CAMTA1: variants seen among roughly 807,000 people sequenced by gnomAD.
The protein encoded by CAMTA1 is calmodulin binding transcription activator 1, also known as calmodulin-binding transcription activator 1.
Under a neutral mutation model 170.9 loss-of-function variants are expected in CAMTA1, and 27 were observed. The observed-to-expected ratio is 0.16, with a 90% CI of 0.12 to 0.22. The LOEUF is 0.22. CAMTA1 is among the 10% of genes least tolerant of loss of function. CAMTA1 has a pLI of 1.00. For missense variants in CAMTA1, 1,619 were observed against 2,217.2 expected (o/e 0.73, Z 5.42); for synonymous variants, 833 against 891.5 (o/e 0.93, Z 1.17).
In CAMTA1 at chr1:6,814,278, A is replaced by G. The variant is rs187968351; in HGVS notation, c.46-5903A>G. 3.3e-5 allele frequency among the ~76,000 whole-genome samples: 5 copies of G among 152,318 alleles called. No homozygotes were observed. The East Asian group carries it at 9.7e-4, about 29-fold the overall frequency. Reference sequence around the variant, plus strand: ...CAGTTTACAGAAGATACTGTGGCAGAGACTGCTAGTTGATCATGAAACCCA... The same window carrying G: ...CAGTTTACAGAAGATACTGTGGCAGGGACTGCTAGTTGATCATGAAACCCA... On this transcript the variant is annotated intron_variant, in intron 1 of 22. Coordinates refer to ENST00000303635, the MANE Select transcript of CAMTA1 (RefSeq NM_015215.4).
chr1:7,131,458 G>A (rs538225977), intron 4 of CAMTA1, among the ~76,000 whole-genome samples: 24 of 151,204 alleles, frequency 1.6e-4, no homozygotes, highest in Middle Eastern at 3.5e-3. Context: ...TTATAGTCAG[G>A]TCTATCATAG....
chr1:7,114,121 G>A (rs567219368), intron 4 of CAMTA1, among the ~76,000 whole-genome samples: 96 of 152,296 alleles, frequency 6.3e-4, no homozygotes, highest in African/African-American at 2.1e-3. Flanking sequence ...GTCCTCTTCT[G>A]TTGATTCTGC....
At chr1:7,628,465 C>A (rs2095647821) in intron 6 of CAMTA1, among the ~76,000 whole-genome samples, 1 of 152,258 alleles carries the variant, frequency 6.6e-6, no homozygotes, top group African/African-American at 2.4e-5. Context: ...AGAGCTAGTG[C>A]ACCAGAGTTG....
intron 11 of CAMTA1, among the ~76,000 whole-genome samples, chr1:7,683,660 C>T (rs1001152362): frequency 3.9e-5 from 6 of 152,276 alleles, no homozygotes; most frequent in East Asian, 1.9e-4. Context: ...AAGCAGCTGG[C>T]GTGAGCCGGT....
intron 3 of CAMTA1, among the ~76,000 whole-genome samples, chr1:7,084,842 GAA>G (rs1398978377): frequency 6.6e-6 from 1 of 152,158 alleles, no homozygotes; most frequent in Non-Finnish European, 1.5e-5. Flanking sequence ...ACTTAGTAGG[GAA>G]AAGAGTATGA....
chr1:6,823,854 T>C (rs80061882), intron 2 of CAMTA1, among the ~76,000 whole-genome samples: 2,127 of 152,308 alleles, frequency 0.014, 48 homozygotes, highest in African/African-American at 0.048. Context: ...TGTATACTTA[T>C]GTAAGGTTGC....
At chr1:7,225,225 C>T (rs775522968) in intron 4 of CAMTA1, among the ~76,000 whole-genome samples, 31 of 152,166 alleles carry the variant, frequency 2.0e-4, no homozygotes, top group Non-Finnish European at 3.7e-4. Flanking sequence ...GCTGGGACTA[C>T]AGGCGCCCAC....
intron 4 of CAMTA1, among the ~76,000 whole-genome samples, chr1:7,164,644 A>G (rs753527836): frequency 2.0e-5 from 3 of 152,250 alleles, no homozygotes; most frequent in Non-Finnish European, 4.4e-5. Context: ...TTATATTTGC[A>G]GCTTTGAAAG....
intron 1 of CAMTA1, among the ~76,000 whole-genome samples, chr1:6,813,989 A>G (rs1216978125): frequency 2.6e-5 from 4 of 152,208 alleles, no homozygotes. Context: ...TTATTAATTT[A>G]TGAATTCTAT....
chr1:7,024,916 C>A (rs1701828638), intron 3 of CAMTA1, among the ~76,000 whole-genome samples: 1 of 152,096 alleles, frequency 6.6e-6, no homozygotes, highest in African/African-American at 2.4e-5. Flanking sequence ...TCAAATAATT[C>A]ACAGGTGGTA....
At chr1:7,264,769 A>G (rs548567608) in intron 5 of CAMTA1, among the ~76,000 whole-genome samples, 30 of 152,234 alleles carry the variant, frequency 2.0e-4, no homozygotes, top group Non-Finnish European at 3.7e-4. Flanking sequence ...AGGGGAAAAA[A>G]TATCGCAGAC....
At chr1:6,810,196 G>A in intron 1 of CAMTA1, among the ~76,000 whole-genome samples, 1 of 152,208 alleles carries the variant, frequency 6.6e-6, no homozygotes, top group Non-Finnish European at 1.5e-5. Context: ...TGGTCGAGGT[G>A]CTGGCCAGGA....
At chr1:7,751,535 A>G (rs2150164016) in intron 20 of CAMTA1, 143 bp downstream of exon 20, 3 of 586,984 alleles carry the variant, frequency 5.1e-6, no homozygotes, top group Admixed American at 3.7e-5. Flanking sequence ...CGTTTTAGGC[A>G]TGGTGGCTGA....
chr1:7,605,929 G>A lies in CAMTA1; in HGVS notation c.511-34471G>A, dbSNP rs566198493. ...AGTCAAGCTGACACATCACAGAGAGGGACAACAAAGTGCTCTCAGGTGACA... is the reference window on the plus strand; with the variant it reads ...AGTCAAGCTGACACATCACAGAGAGAGACAACAAAGTGCTCTCAGGTGACA... On this transcript the variant is annotated intron_variant, in intron 6 of 22. Coordinates refer to ENST00000303635, the MANE Select transcript of CAMTA1 (RefSeq NM_015215.4). Among the ~76,000 whole-genome samples, 610 of 152,312 alleles carry A rather than the reference G, an allele frequency of 4.0e-3. 8 individuals are homozygous for A. Among genetic ancestry groups the A allele is most frequent in the African/African-American group, 0.014 (565 of 41,566 alleles).
At chr1:7,480,713 T>C (rs1055693962) in intron 6 of CAMTA1, among the ~76,000 whole-genome samples, 5 of 152,120 alleles carry the variant, frequency 3.3e-5, no homozygotes, top group African/African-American at 9.7e-5. Context: ...AACCCCCCGA[T>C]GCTGGACTAT....
At chr1:7,229,556 G>A in intron 4 of CAMTA1, among the ~76,000 whole-genome samples, 1 of 98,904 alleles carries the variant, frequency 1.0e-5, no homozygotes, top group African/African-American at 3.9e-5. Context: ...TGGGGATGGG[G>A]TGGAGAGGGG....
At chr1:7,133,716 G>T (rs572061345) in intron 4 of CAMTA1, among the ~76,000 whole-genome samples, 2 of 152,272 alleles carry the variant, frequency 1.3e-5, no homozygotes, top group South Asian at 4.1e-4. Context: ...GAGTTCTGTG[G>T]TGAGAGAGTG....
At chr1:7,159,720 A>T (rs11120865) in intron 4 of CAMTA1, among the ~76,000 whole-genome samples, 40,985 of 151,758 alleles carry the variant, frequency 0.27, 6,213 homozygotes, top group East Asian at 0.35. Flanking sequence ...ATTAAAAAAA[A>T]TTTTTTTTGT....
intron 6 of CAMTA1, among the ~76,000 whole-genome samples, chr1:7,502,872 C>T (rs1045928604): frequency 4.6e-5 from 7 of 152,328 alleles, no homozygotes; most frequent in South Asian, 4.1e-4. Flanking sequence ...AGGGCTGAAG[C>T]GAGGCAGGCA....
Sources: gnomAD v4.1 joint callset for allele counts (sites outside exome capture counted in the v4.1 genomes callset) on GRCh38, gnomAD v4.1.1 for gene constraint, MANE v1.5 for transcripts, NCBI Gene and HGNC (gene_info 2026-07-23, HGNC 2026-07-21) for gene names.